The following SRFBP1 variants were observed in gnomAD, a reference collection of about 807,000 sequenced individuals.
SRFBP1 encodes serum response factor binding protein 1.
SRFBP1 carries 47 observed loss-of-function variants against 45.5 expected under a neutral mutation model. That is an observed-to-expected ratio of 1.03 (90% CI 0.82 to 1.32). SRFBP1 has a LOEUF of 1.32. Ranked by LOEUF, SRFBP1 falls within the 40% of genes most tolerant of loss-of-function variation. The probability of loss-of-function intolerance (pLI) is 0.00; values close to 1 mark genes in which losing one functional copy is unlikely to be tolerated. For synonymous variants in SRFBP1, 203 were observed against 166.3 expected, an observed-to-expected ratio of 1.22 and a Z score of -1.70; for missense variants, 621 against 484.6, an observed-to-expected ratio of 1.28 and a Z score of -2.64.
At chr5:122,052,206 A>C (rs563311696) in intron 2 of SRFBP1, among the ~76,000 whole-genome samples, 1 of 152,184 alleles carries the variant, frequency 6.6e-6, no homozygotes, top group South Asian at 2.1e-4. Context: ...GACCTTGTAG[A>C]ATCTGATTAT....
chr5:122,055,921 G>A (rs1340343154), intron 2 of SRFBP1, among the ~76,000 whole-genome samples: 2 of 152,106 alleles, frequency 1.3e-5, no homozygotes, highest in African/African-American at 4.8e-5. Flanking sequence ...TTTGTTTCCT[G>A]TTTGGTCAAG....
intron 7 of SRFBP1, 148 bp downstream of exon 7, chr5:122,022,555 T>G (rs1201619192): frequency 1.6e-6 from 1 of 619,468 alleles, no homozygotes; most frequent in Non-Finnish European, 2.5e-6. Flanking sequence ...ATTATCAATA[T>G]AATTTTTTGT....
At chr5:121,991,469 C>G (rs754406488) in intron 3 of SRFBP1, among the ~76,000 whole-genome samples, 20 of 152,112 alleles carry the variant, frequency 1.3e-4, no homozygotes, top group South Asian at 4.1e-4. Context: ...TTGCAGCAGA[C>G]TCTTAGGAGG....
At chr5:122,053,028 T>C (rs1754016298) in intron 2 of SRFBP1, among the ~76,000 whole-genome samples, 1 of 152,116 alleles carries the variant, frequency 6.6e-6, no homozygotes, top group Admixed American at 6.5e-5. Context: ...CCCCCTCCAA[T>C]TGCTGTCTCC....
chr5:121,973,558 A>G lies in SRFBP1; in HGVS notation c.37-638A>G, dbSNP rs187801547. On this transcript the variant is annotated intron_variant, in intron 1 of 7. Transcript: ENST00000339397. ...CTGCTTTTTGTTCTTAGAGTTAAACATTGTTCTCCAGTAGGGTGATTTAAA... is the reference window on the plus strand; with the variant it reads ...CTGCTTTTTGTTCTTAGAGTTAAACGTTGTTCTCCAGTAGGGTGATTTAAA... 5.6e-5 allele frequency among the ~76,000 whole-genome samples: 8 copies of G among 143,150 alleles called. No homozygotes were observed. In the East Asian group the frequency reaches 1.7e-3, roughly 31 times the overall value. The allele number at this position is 143,150 out of a possible 152,430, so 93.9% of individuals were successfully genotyped here. A position where few individuals can be genotyped will look rare whatever the true frequency, so the allele number is the denominator to read the frequency against.
chr5:122,024,212 A>G (rs1753421041), intron 7 of SRFBP1, among the ~76,000 whole-genome samples: 1 of 151,930 alleles, frequency 6.6e-6, no homozygotes, highest in African/African-American at 2.4e-5. Flanking sequence ...TGTACAGCAA[A>G]CTCCATAGGC....
rs768120744 is a variant in SRFBP1 at position 122,020,245 on chromosome 5, CAAA to C, written c.511_513del (p.Lys171del). 11 of 1,612,380 alleles carry C rather than the reference CAAA, an allele frequency of 6.8e-6. No homozygotes were observed. Among genetic ancestry groups the C allele is most frequent in the Non-Finnish European group, 9.3e-6 (11 of 1,179,582 alleles). ...CAACTGTCATCAGTGAGCAAAAAGT[CAAA>C]GAAACCAAAATATTGGCGAAGAAAC... On this transcript the variant is annotated inframe_deletion, in exon 6 of 8. Coordinates refer to ENST00000339397, the MANE Select transcript of SRFBP1 (RefSeq NM_152546.3).
At chr5:122,001,546 CTTTTTTTTTTTT>C (rs1166482651) in intron 4 of SRFBP1, among the ~76,000 whole-genome samples, 124 of 104,908 alleles carry the variant, frequency 1.2e-3, no homozygotes, top group African/African-American at 4.0e-3. Context: ...CCTTTGGTAT[CTTTTTTTTTTTT>C]TTTTTTTTTT....
intron 2 of SRFBP1, among the ~76,000 whole-genome samples, chr5:122,052,368 T>A (rs1413178625): frequency 6.6e-6 from 1 of 152,236 alleles, no homozygotes; most frequent in Non-Finnish European, 1.5e-5. Context: ...TCTCCCCATC[T>A]CTTTCAGGGA....
chr5:122,044,768 G>A (rs1753829109), intron 2 of SRFBP1, among the ~76,000 whole-genome samples: 1 of 151,878 alleles, frequency 6.6e-6, no homozygotes. Context: ...ATCTTTGTTG[G>A]ATGCATTGTT....
In SRFBP1 at chr5:122,047,479, T is replaced by G. The variant is rs1414759078; in HGVS notation, n.311+25072T>G. Among the ~76,000 whole-genome samples the G allele has an allele frequency of 1.9e-4, 28 of 151,296 alleles. No individual in the cohort carries two copies. The East Asian group carries it at 3.5e-3, about 19-fold the overall frequency. The stretch of plus-strand genomic sequence containing the variant: ...GTAGTATAGTTTGAAGTCAGGTAGC[T>G]TGATGCCTCCAGCTTTGTTCTTTTG... On this transcript the variant is annotated intron_variant and non_coding_transcript_variant, in intron 2 of 2. Coordinates refer to the SRFBP1 transcript ENST00000504881.
At chr5:122,000,815 T>G (rs1222402143) in intron 4 of SRFBP1, among the ~76,000 whole-genome samples, 1 of 152,126 alleles carries the variant, frequency 6.6e-6, no homozygotes, top group Non-Finnish European at 1.5e-5. Context: ...TCTCAACATC[T>G]GAATTTTAGA....
chr5:121,987,120 A>T (rs1449643511), intron 3 of SRFBP1, among the ~76,000 whole-genome samples: 1 of 152,182 alleles, frequency 6.6e-6, no homozygotes, highest in African/African-American at 2.4e-5. Context: ...ATTATAATCC[A>T]CACAATCCAT....
At chr5:121,963,079 A>G (rs1040819512) in intron 1 of SRFBP1, among the ~76,000 whole-genome samples, 3 of 152,188 alleles carry the variant, frequency 2.0e-5, no homozygotes, top group African/African-American at 7.2e-5. Context: ...TTGCACAGGA[A>G]TTGCAGTCAG....
In SRFBP1 at chr5:121,994,594, C is replaced by T. The variant is rs756840259; in HGVS notation, c.199-5C>T. On this transcript the variant is annotated splice_region_variant and splice_polypyrimidine_tract_variant and intron_variant, in intron 3 of 7. Coordinates refer to ENST00000339397, the MANE Select transcript of SRFBP1 (RefSeq NM_152546.3). ...CTAAAATTAATTTGTTTTATTCTTT[C>T]ACAGGAATTGAAACCTGACATAGTA... 7.6e-6 allele frequency: 12 copies of T among 1,582,038 alleles called. No homozygotes were observed. Among genetic ancestry groups the T allele is most frequent in the Non-Finnish European group, 9.5e-6 (11 of 1,163,130 alleles).
chr5:122,021,846 T>C (rs1753330619), intron 6 of SRFBP1, among the ~76,000 whole-genome samples: 1 of 150,728 alleles, frequency 6.6e-6, no homozygotes, highest in South Asian at 2.1e-4. Flanking sequence ...CCGGCTAATT[T>C]TTGTTTTTTT....
At chr5:122,078,221 G>A (rs1314999600), downstream of SRFBP1, 1 of 415,444 alleles carries the variant, frequency 2.4e-6, no homozygotes, top group Non-Finnish European at 4.2e-6. Context: ...GGAAGGCAAC[G>A]GGGAGCGGCG....
intron 2 of SRFBP1, among the ~76,000 whole-genome samples, chr5:122,046,496 A>G (rs529426775): frequency 3.3e-5 from 5 of 152,238 alleles, no homozygotes; most frequent in African/African-American, 1.2e-4. Flanking sequence ...GAACAGTGCC[A>G]CAATAAACAT....
At chr5:121,998,625 C>T (rs1166670215) in intron 4 of SRFBP1, among the ~76,000 whole-genome samples, 1 of 148,748 alleles carries the variant, frequency 6.7e-6, no homozygotes, top group Non-Finnish European at 1.5e-5. Context: ...TGTAAGTAAC[C>T]TGCACAATGT....
Sources: allele counts gnomAD v4.1 joint callset (sites outside exome capture counted in the v4.1 genomes callset), GRCh38; gene constraint gnomAD v4.1.1; transcripts MANE v1.5; gene names NCBI Gene and HGNC (gene_info 2026-07-23, HGNC 2026-07-21).